Variants in IPCEF1 observed in about 807,000 individuals in gnomAD.
IPCEF1 encodes the protein interaction protein for cytohesin exchange factors 1.
IPCEF1 carries 31 observed loss-of-function variants against 50.9 expected under a neutral mutation model. The ratio of observed to expected loss-of-function variants is 0.61; its 90% confidence interval spans 0.46 to 0.82. IPCEF1 has a LOEUF of 0.82. Among genes scored for constraint, IPCEF1 ranks in the 40% least tolerant of loss-of-function variants. The pLI, the probability that IPCEF1 is intolerant of heterozygous loss-of-function variation, is 0.00. For missense variants in IPCEF1, 458 were observed against 514.0 expected, an observed-to-expected ratio of 0.89 and a Z score of 1.05; for synonymous variants, 181 against 192.0, an observed-to-expected ratio of 0.94 and a Z score of 0.47.
At chr6:154,237,858 CTA>C (rs1282123311) in intron 5 of IPCEF1, among the ~76,000 whole-genome samples, 1 of 148,272 alleles carries the variant, frequency 6.7e-6, no homozygotes, top group East Asian at 1.9e-4. Context: ...ACATACATAT[CTA>C]TATATGTGTC....
chr6:154,308,602 GC>G (rs1482643444), intron 1 of IPCEF1, among the ~76,000 whole-genome samples: 1 of 152,102 alleles, frequency 6.6e-6, no homozygotes, highest in African/African-American at 2.4e-5. Flanking sequence ...CGTTCTTTCA[GC>G]AAAGCCTATC....
intron 2 of IPCEF1, among the ~76,000 whole-genome samples, chr6:154,286,380 A>G (rs377660282): frequency 1.3e-5 from 2 of 152,238 alleles, no homozygotes; most frequent in East Asian, 3.8e-4. Flanking sequence ...TTTAAAAAGA[A>G]CTATGTCTAT....
intron 5 of IPCEF1, among the ~76,000 whole-genome samples, chr6:154,223,966 T>C (rs1779061842): frequency 6.6e-6 from 1 of 152,192 alleles, no homozygotes; most frequent in South Asian, 2.1e-4. Context: ...AAAACATGTA[T>C]AGGAAATATA....
At chr6:154,277,541 G>A (rs532291981) in intron 2 of IPCEF1, among the ~76,000 whole-genome samples, 4 of 152,212 alleles carry the variant, frequency 2.6e-5, no homozygotes, top group Middle Eastern at 3.4e-3. Flanking sequence ...TTTCAATAGC[G>A]CATTTTTTTA....
intron 11 of IPCEF1, among the ~76,000 whole-genome samples, chr6:154,160,373 A>G (rs953794608): frequency 1.3e-5 from 2 of 152,210 alleles, no homozygotes; most frequent in African/African-American, 4.8e-5. Flanking sequence ...CCTAAAACTT[A>G]CCATTGTAGG....
intron 9 of IPCEF1, among the ~76,000 whole-genome samples, chr6:154,209,097 A>G (rs1166034339): frequency 6.6e-6 from 1 of 152,196 alleles, no homozygotes; most frequent in Non-Finnish European, 1.5e-5. Flanking sequence ...AACTGGTTTC[A>G]TTGTTTATCT....
intron 5 of IPCEF1, among the ~76,000 whole-genome samples, chr6:154,223,927 C>T (rs752446854): frequency 4.3e-4 from 65 of 152,250 alleles, no homozygotes; most frequent in Middle Eastern, 3.4e-3. Flanking sequence ...TTTATGAGGA[C>T]GTAGCATAAA....
At chr6:154,327,681 A>C (rs539165626) in intron 1 of IPCEF1, among the ~76,000 whole-genome samples, 5 of 152,372 alleles carry the variant, frequency 3.3e-5, no homozygotes, top group African/African-American at 1.2e-4. Context: ...AAAGACCTAG[A>C]GGCAGAAATA....
intron 10 of IPCEF1, among the ~76,000 whole-genome samples, chr6:154,172,889 T>C (rs1799990217): frequency 1.3e-5 from 2 of 152,212 alleles, no homozygotes. Flanking sequence ...GTAGCCTGAC[T>C]GGAGCCTCAC....
chr6:154,286,626 C>T (rs1782366700), intron 2 of IPCEF1, among the ~76,000 whole-genome samples: 1 of 152,094 alleles, frequency 6.6e-6, no homozygotes, highest in African/African-American at 2.4e-5. Flanking sequence ...GTAGAAAGAC[C>T]TGCAATGAGG....
At chr6:154,169,456 C>T (rs971945433) in intron 10 of IPCEF1, among the ~76,000 whole-genome samples, 1 of 152,134 alleles carries the variant, frequency 6.6e-6, no homozygotes, top group African/African-American at 2.4e-5. Context: ...ATCTTTAAAC[C>T]CATGCAAGTC....
chr6:154,312,220 GAT>G (rs1278067240), intron 1 of IPCEF1, among the ~76,000 whole-genome samples: 2 of 152,168 alleles, frequency 1.3e-5, no homozygotes, highest in Admixed American at 6.5e-5. Context: ...GTCACAAAAA[GAT>G]AAGTACTGTA....
At chr6:154,265,357 T>C (rs1308880747) in intron 3 of IPCEF1, among the ~76,000 whole-genome samples, 2 of 152,006 alleles carry the variant, frequency 1.3e-5, no homozygotes, top group Admixed American at 1.3e-4. Flanking sequence ...CTCGGCTCAC[T>C]GCAACCTCCA....
chr6:154,347,189 C>A (rs1473322046), intron 1 of IPCEF1, among the ~76,000 whole-genome samples: 1 of 152,170 alleles, frequency 6.6e-6, no homozygotes, highest in Non-Finnish European at 1.5e-5. Context: ...CACAAAGCAA[C>A]CTTATCCAAA....
intron 1 of IPCEF1, among the ~76,000 whole-genome samples, chr6:154,347,157 C>T (rs1784046363): frequency 6.6e-6 from 1 of 152,164 alleles, no homozygotes; most frequent in Middle Eastern, 3.2e-3. Flanking sequence ...TTCTCAGCTC[C>T]AGGAATGGAA....
intron 2 of IPCEF1, among the ~76,000 whole-genome samples, chr6:154,275,172 C>T (rs1195910456): frequency 6.6e-6 from 1 of 152,188 alleles, no homozygotes; most frequent in Non-Finnish European, 1.5e-5. Context: ...GAGCCAGTTA[C>T]TCTAAGATCC....
At chr6:154,211,885 AAGGAGG>A (rs1364496033) in intron 9 of IPCEF1, among the ~76,000 whole-genome samples, 2 of 152,314 alleles carry the variant, frequency 1.3e-5, no homozygotes, top group Admixed American at 1.3e-4. Flanking sequence ...CATAAAGAAA[AAGGAGG>A]AGGAGGAAGC....
intron 10 of IPCEF1, among the ~76,000 whole-genome samples, chr6:154,169,771 C>A (rs1799727709): frequency 6.6e-6 from 1 of 152,224 alleles, no homozygotes. Context: ...AGGCCAATGG[C>A]AGTTCCACCA....
At chr6:154,354,543 CAT>C (rs1362677186) in intron 1 of IPCEF1, among the ~76,000 whole-genome samples, 2 of 145,094 alleles carry the variant, frequency 1.4e-5, no homozygotes, top group Non-Finnish European at 1.5e-5. Flanking sequence ...CTACCATCTC[CAT>C]TACCACCTCC....
Sources: gnomAD v4.1 joint callset for allele counts (sites outside exome capture counted in the v4.1 genomes callset) on GRCh38, gnomAD v4.1.1 for gene constraint, MANE v1.5 for transcripts, NCBI Gene and HGNC (gene_info 2026-07-23, HGNC 2026-07-21) for gene names.